Variants in LUC7L3 observed in about 807,000 individuals in gnomAD.
The protein encoded by LUC7L3 is luc7-like protein 3.
Under a neutral mutation model 66.8 loss-of-function variants are expected in LUC7L3, and 6 were observed. The ratio of observed to expected loss-of-function variants is 0.09; its 90% CI spans 0.05 to 0.18. LUC7L3 has a LOEUF of 0.18. Ranked by LOEUF, LUC7L3 falls within the 10% of genes least tolerant of loss-of-function variation. The pLI, the probability that LUC7L3 is intolerant of heterozygous loss-of-function variation, is 1.00. For synonymous variants in LUC7L3, 160 were observed against 174.7 expected (o/e 0.92, Z 0.66); for missense variants, 341 against 531.1 (o/e 0.64, Z 3.52).
intron 9 of LUC7L3, among the ~76,000 whole-genome samples, chr17:50,750,279 G>T (rs765750948): frequency 6.6e-6 from 1 of 152,156 alleles, no homozygotes; most frequent in Non-Finnish European, 1.5e-5. Context: ...CCAATTGAGA[G>T]AATTTACCCA....
intron 5 of LUC7L3, among the ~76,000 whole-genome samples, chr17:50,742,861 A>G (rs960434202): frequency 7.2e-5 from 11 of 152,266 alleles, no homozygotes; most frequent in African/African-American, 2.7e-4. Flanking sequence ...TAATTAAATC[A>G]TGATGTATCT....
intron 1 of LUC7L3, among the ~76,000 whole-genome samples, chr17:50,734,866 C>T (rs1312534646): frequency 4.6e-5 from 7 of 151,966 alleles, no homozygotes; most frequent in South Asian, 2.1e-4. Flanking sequence ...TCTCCAAAAC[C>T]CTAGAATGTA....
At chr17:50,728,096 C>T (rs925203392) in intron 1 of LUC7L3, among the ~76,000 whole-genome samples, 11 of 142,130 alleles carry the variant, frequency 7.7e-5, no homozygotes, top group East Asian at 2.0e-4. Context: ...CCAGCATGGG[C>T]GACAGAGCGA....
chr17:50,726,052 A>G (rs1969158865), intron 1 of LUC7L3, among the ~76,000 whole-genome samples: 1 of 152,226 alleles, frequency 6.6e-6, no homozygotes, highest in Non-Finnish European at 1.5e-5. Flanking sequence ...ACTCTTGATA[A>G]TCTCTGCATG....
At position 50,723,754 on chromosome 17, in the gene LUC7L3, A is replaced by G. The variant is rs1404300812; in HGVS notation, c.99+3923A>G. ...ACTGCAACCTCCACCTCCTGGCCTC[A>G]GCGTCCCGAGTAATTGGGATTGCAG... On this transcript the variant is annotated intron_variant, in intron 1 of 9. Coordinates refer to ENST00000505658, the MANE Select transcript of LUC7L3 (RefSeq NM_016424.5). 12 of 306,164 alleles carry G rather than the reference A, an allele frequency of 3.9e-5. No individual in the cohort carries two copies. The East Asian group carries it at 1.1e-3, about 28-fold the overall frequency. 19.0% of individuals were successfully genotyped at this position (306,164 alleles called of 1,614,324 possible).
chr17:50,741,608 T>G (rs1179784137), intron 4 of LUC7L3, 49 bp from the exon 5 acceptor site: 5 of 1,196,186 alleles, frequency 4.2e-6, no homozygotes, highest in Admixed American at 1.8e-5. Flanking sequence ...GTTTGCATGT[T>G]TATCTTTGTT....
intron 8 of LUC7L3, 80 bp from the exon 9 acceptor site, chr17:50,746,462 G>T (rs1970674729): frequency 2.3e-6 from 3 of 1,288,450 alleles, no homozygotes; most frequent in Non-Finnish European, 3.2e-6. Flanking sequence ...GCCTAGTCTT[G>T]TTAATTAATA....
At chr17:50,744,043 G>C (rs925428975) in intron 6 of LUC7L3, among the ~76,000 whole-genome samples, 3 of 152,268 alleles carry the variant, frequency 2.0e-5, no homozygotes, top group East Asian at 1.9e-4. Flanking sequence ...TTAGCAAAAG[G>C]CCTCTCTGGC....
intron 2 of LUC7L3, among the ~76,000 whole-genome samples, chr17:50,738,892 C>G (rs999270288): frequency 6.6e-6 from 1 of 151,962 alleles, no homozygotes; most frequent in Admixed American, 6.6e-5. Context: ...AATTTTAGAA[C>G]ACGGGGGTGG....
intron 2 of LUC7L3, 127 bp downstream of exon 2, chr17:50,737,153 A>G: frequency 3.0e-6 from 2 of 677,410 alleles, no homozygotes; most frequent in Non-Finnish European, 5.0e-6. Flanking sequence ...CTAATAAGTA[A>G]TTTCTTACTT....
intron 5 of LUC7L3, among the ~76,000 whole-genome samples, chr17:50,743,344 G>T (rs1970469407): frequency 6.6e-6 from 1 of 151,916 alleles, no homozygotes; most frequent in Non-Finnish European, 1.5e-5. Flanking sequence ...GATTACAGGT[G>T]CCCACCACCA....
intron 1 of LUC7L3, among the ~76,000 whole-genome samples, chr17:50,732,596 A>G (rs1329802071): frequency 1.0e-4 from 14 of 136,092 alleles, no homozygotes; most frequent in Admixed American, 2.3e-4. Flanking sequence ...AGGTCTTACT[A>G]TGTTGCCCAG....
rs5820832 is a variant in LUC7L3 at position 50,754,236 on chromosome 17, TAAAAA to T, written c.*3584_*3588del. 2 of 148,368 alleles carry T rather than the reference TAAAAA, an allele frequency of 1.3e-5. No individual in the cohort carries two copies. The highest frequency in any genetic ancestry group is 3.0e-5 in the Non-Finnish European group (2 of 66,884). 9.2% of individuals were successfully genotyped at this position (148,368 alleles called of 1,614,324 possible). A position where few individuals can be genotyped will look rare whatever the true frequency, so the allele number is the denominator to read the frequency against. Reference sequence around the variant, plus strand: ...TTTGGAATCTGCAATCAGTTGGTCTTAAAAAAAAAAAAACTTTATTTTGGAAATTT... The same window carrying T: ...TTTGGAATCTGCAATCAGTTGGTCTTAAAAAAAACTTTATTTTGGAAATTT... On this transcript the variant is annotated 3_prime_UTR_variant, in exon 10 of 10. Transcript: ENST00000505658.
In LUC7L3 at chr17:50,745,816, G is replaced by A; in HGVS notation, c.790G>A (p.Glu264Lys). The change falls in exon 8 of 10, where the codon GAA becomes AAA. Residue 264 changes from glutamate (E) to lysine (K), a missense_variant. Physicochemically the swap from Glu to Lys is moderately conservative, Grantham distance 56. Coordinates refer to ENST00000505658, the MANE Select transcript of LUC7L3 (RefSeq NM_016424.5). ...AGAAAGAGAAAAAGAACGGGAGAGA[G>A]AAAGGGAAGAAAGAGAAAGGAAAAG... ...REEREKERER[E>K]REERERKRRR... The A allele has an allele frequency of 6.3e-7, 1 of 1,586,514 alleles. No homozygotes were observed. The highest frequency in any genetic ancestry group is 8.6e-7 in the Non-Finnish European group (1 of 1,159,936).
chr17:50,724,611 TTGTGTGTGTGTGTGTGTG>T (rs58361696), intron 1 of LUC7L3, among the ~76,000 whole-genome samples: 6 of 147,268 alleles, frequency 4.1e-5, no homozygotes, highest in African/African-American at 1.5e-4. Flanking sequence ...TTTAGGAAAA[TTGTGTGTGTGTGTGTGTG>T]TGTGTGTGTG....
intron 1 of LUC7L3, among the ~76,000 whole-genome samples, chr17:50,720,382 A>G (rs970962844): frequency 5.9e-5 from 9 of 152,254 alleles, no homozygotes; most frequent in African/African-American, 1.9e-4. Context: ...GAAGTCCCTT[A>G]TAGAGGCAGC....
intron 1 of LUC7L3, chr17:50,722,185 T>A (rs72839252): frequency 7.2e-6 from 1 of 139,602 alleles, no homozygotes; most frequent in Non-Finnish European, 1.5e-5. Context: ...GCTCCTCTTA[T>A]GCATTCTTTT....
chr17:50,727,757 G>A (rs1410906311), intron 1 of LUC7L3, among the ~76,000 whole-genome samples: 1 of 152,184 alleles, frequency 6.6e-6, no homozygotes, highest in East Asian at 1.9e-4. Flanking sequence ...ATTGTAGTGT[G>A]TATGTTTTTG....
At chr17:50,736,761 G>A (rs1970009907) in intron 1 of LUC7L3, 199 bp from the exon 2 acceptor site, 2 of 534,424 alleles carry the variant, frequency 3.7e-6, no homozygotes, top group East Asian at 6.5e-5. Context: ...AGTAATACGA[G>A]TACTGCAGAT....
Sources: gnomAD v4.1 joint callset for allele counts (sites outside exome capture counted in the v4.1 genomes callset) on GRCh38, gnomAD v4.1.1 for gene constraint, MANE v1.5 for transcripts, NCBI Gene and HGNC (gene_info 2026-07-23, HGNC 2026-07-21) for gene names.